HEATR5B: variants seen among roughly 807,000 people sequenced by gnomAD.
HEATR5B encodes HEAT repeat-containing protein 5B.
A neutral mutation model predicts 224.1 loss-of-function variants in HEATR5B; 156 were observed. The ratio of observed to expected loss-of-function variants is 0.70; its 90% CI spans 0.61 to 0.80. The LOEUF is 0.80. Among genes scored for constraint, HEATR5B ranks in the 30% least tolerant of loss-of-function variants. The pLI, the probability that HEATR5B is intolerant of heterozygous loss-of-function variation, is 0.00. For missense variants in HEATR5B, 2,323 were observed against 2,535.5 expected (o/e 0.92, Z 1.80); for synonymous variants, 1,027 against 893.0 (o/e 1.15, Z -2.68).
chr2:36,998,127 A>T (rs1398471896), intron 33 of HEATR5B, among the ~76,000 whole-genome samples: 1 of 152,170 alleles, frequency 6.6e-6, no homozygotes, highest in Non-Finnish European at 1.5e-5. Context: ...CCACAGTTTT[A>T]GATAACGTGG....
chr2:37,005,618 G>C lies in HEATR5B; in HGVS notation c.4905+14C>G, dbSNP rs1572780822. 6.2e-7 allele frequency: 1 copy of C among 1,610,918 alleles called. No individual in the cohort carries two copies. Among genetic ancestry groups the C allele is most frequent in the Non-Finnish European group, 8.5e-7 (1 of 1,178,040 alleles). ...AAAAACCACACAAGTATCTATCATAGCAATACACTGTACCTGATCTTCTGC... is the reference window on the plus strand; with the variant it reads ...AAAAACCACACAAGTATCTATCATACCAATACACTGTACCTGATCTTCTGC... On this transcript the variant is annotated intron_variant, in intron 30 of 35. Coordinates refer to ENST00000233099, the MANE Select transcript of HEATR5B (RefSeq NM_019024.3).
intron 35 of HEATR5B, among the ~76,000 whole-genome samples, chr2:36,982,135 A>G (rs1156897131): frequency 6.6e-6 from 1 of 152,174 alleles, no homozygotes; most frequent in Non-Finnish European, 1.5e-5. Context: ...GCATTCTAGA[A>G]TCAGGAGATT....
intron 24 of HEATR5B, among the ~76,000 whole-genome samples, chr2:37,026,706 T>C (rs771006059): frequency 6.6e-6 from 1 of 152,190 alleles, no homozygotes; most frequent in South Asian, 2.1e-4. Context: ...TGCTGAATAA[T>C]TACATGAACA....
intron 14 of HEATR5B, among the ~76,000 whole-genome samples, chr2:37,057,789 G>T (rs1286116109): frequency 1.3e-5 from 2 of 152,086 alleles, no homozygotes; most frequent in Non-Finnish European, 2.9e-5. Flanking sequence ...CAGGAGGATT[G>T]CTTGAGCCCA....
chr2:37,082,157 C>G (rs1306875462), intron 2 of HEATR5B, among the ~76,000 whole-genome samples: 1 of 139,734 alleles, frequency 7.2e-6, no homozygotes, highest in Non-Finnish European at 1.5e-5. Context: ...GCAACCTCTG[C>G]CTTTCCGGCT....
intron 35 of HEATR5B, among the ~76,000 whole-genome samples, chr2:36,986,884 T>C (rs1665983959): frequency 6.6e-6 from 1 of 152,146 alleles, no homozygotes; most frequent in Non-Finnish European, 1.5e-5. Context: ...CCCAAAGTGC[T>C]GGGATTACAG....
intron 26 of HEATR5B, among the ~76,000 whole-genome samples, chr2:37,017,687 C>CAAAAAAAAAAAAAAAAAAAAAAAAAA (rs1056240189): frequency 1.6e-5 from 1 of 61,696 alleles, no homozygotes; most frequent in African/African-American, 7.3e-5. Flanking sequence ...AATTCCGTCT[C>CAAAAAAAAAAAAAAAAAAAAAAAAAA]AAAAAAAAAA....
chr2:37,016,267 C>T (rs1668113015), intron 26 of HEATR5B, among the ~76,000 whole-genome samples: 1 of 152,058 alleles, frequency 6.6e-6, no homozygotes, highest in Admixed American at 6.6e-5. Context: ...CGCCTAACAC[C>T]AGGCCCGGCT....
chr2:36,995,084 C>CTTTTTTTTTTT (rs1182897485), intron 33 of HEATR5B, among the ~76,000 whole-genome samples: 42 of 93,618 alleles, frequency 4.5e-4, no homozygotes, highest in African/African-American at 6.9e-4. Flanking sequence ...CTTGTTATTC[C>CTTTTTTTTTTT]TTGTTTTTTT....
intron 2 of HEATR5B, among the ~76,000 whole-genome samples, chr2:37,082,676 A>T (rs557987961): frequency 6.6e-5 from 10 of 152,332 alleles, no homozygotes; most frequent in Admixed American, 6.5e-4. Flanking sequence ...TTCGTTTCCC[A>T]TAAGGGATAC....
chr2:37,058,258 T>C (rs1049527935), intron 14 of HEATR5B, among the ~76,000 whole-genome samples, 193 bp downstream of exon 14: 3 of 152,036 alleles, frequency 2.0e-5, no homozygotes, highest in East Asian at 1.9e-4. Context: ...AAAAAGCTAA[T>C]ACAAAAGGCT....
At chr2:37,065,614 CAATGAATATT>C (rs1671541929) in intron 9 of HEATR5B, 131 bp downstream of exon 9, 4 of 767,186 alleles carry the variant, frequency 5.2e-6, no homozygotes, top group Non-Finnish European at 8.2e-6. Context: ...CAGCCTATCA[CAATGAATATT>C]AATTTAAGTA....
intron 24 of HEATR5B, among the ~76,000 whole-genome samples, chr2:37,026,807 G>T (rs1668806895): frequency 6.6e-6 from 1 of 152,142 alleles, no homozygotes; most frequent in South Asian, 2.1e-4. Context: ...TTTACAGTTT[G>T]TATGTTTTTG....
intron 8 of HEATR5B, among the ~76,000 whole-genome samples, chr2:37,067,486 TG>T (rs1398947324): frequency 6.6e-6 from 1 of 152,172 alleles, no homozygotes; most frequent in Non-Finnish European, 1.5e-5. Context: ...ACTAGTTTAC[TG>T]GCTGGGCGTG....
chr2:37,059,424 G>GTT (rs1671119247), intron 12 of HEATR5B, among the ~76,000 whole-genome samples: 1 of 85,746 alleles, frequency 1.2e-5, no homozygotes, highest in African/African-American at 5.2e-5. Flanking sequence ...GTGTGTGTGT[G>GTT]TGTGTGTGTG....
At chr2:37,043,559 T>C (rs1008801161) in intron 18 of HEATR5B, among the ~76,000 whole-genome samples, 1 of 152,226 alleles carries the variant, frequency 6.6e-6, no homozygotes, top group Non-Finnish European at 1.5e-5. Context: ...ACAATCACTT[T>C]ATGGTCCTGA....
At chr2:37,051,105 C>T (rs1180773470) in intron 17 of HEATR5B, among the ~76,000 whole-genome samples, 2 of 150,964 alleles carry the variant, frequency 1.3e-5, no homozygotes. Flanking sequence ...CGCCTGTAAT[C>T]CCAGCACTTT....
intron 12 of HEATR5B, among the ~76,000 whole-genome samples, chr2:37,059,406 A>ATGTGTGTGTGTG (rs529487124): frequency 4.0e-5 from 4 of 100,234 alleles, no homozygotes; most frequent in Admixed American, 1.3e-4. Context: ...ATATATGTAT[A>ATGTGTGTGTGTG]TGTGTGTGTG....
chr2:37,057,542 G>T, intron 14 of HEATR5B, 62 bp from the exon 15 acceptor site: 1 of 1,146,350 alleles, frequency 8.7e-7, no homozygotes, highest in Non-Finnish European at 1.2e-6. Flanking sequence ...TATAATCATT[G>T]CCCACAAAGA....
Sources: gnomAD v4.1 joint callset for allele counts (sites outside exome capture counted in the v4.1 genomes callset) on GRCh38, gnomAD v4.1.1 for gene constraint, MANE v1.5 for transcripts, NCBI Gene and HGNC (gene_info 2026-07-23, HGNC 2026-07-21) for gene names.